Variants in EIF4B observed in about 807,000 individuals in gnomAD.
EIF4B encodes the protein eukaryotic translation initiation factor 4B.
A neutral mutation model predicts 79.3 loss-of-function variants in EIF4B; 8 were observed. That is an observed-to-expected ratio of 0.10 (90% CI 0.06 to 0.18). The LOEUF is 0.18. EIF4B is among the 10% of genes least tolerant of loss of function. The probability of loss-of-function intolerance (pLI) is 1.00; values close to 1 mark genes in which losing one functional copy is unlikely to be tolerated. For missense variants in EIF4B, 515 were observed against 792.4 expected, an observed-to-expected ratio of 0.65 and a Z score of 4.20; for synonymous variants, 238 against 274.7, an observed-to-expected ratio of 0.87 and a Z score of 1.32.
chr12:53,024,113 A>G (rs1286841471), intron 6 of EIF4B, among the ~76,000 whole-genome samples: 1 of 152,194 alleles, frequency 6.6e-6, no homozygotes, highest in Non-Finnish European at 1.5e-5. Flanking sequence ...GGGTGCGGAA[A>G]GATAGGTGAG....
chr12:53,017,398 A>G (rs998381485), intron 2 of EIF4B, among the ~76,000 whole-genome samples: 4 of 152,310 alleles, frequency 2.6e-5, no homozygotes, highest in East Asian at 3.9e-4. Context: ...GAGTGAGAAC[A>G]GTAATTATGG....
chr12:53,037,159 G>A (rs141644288), intron 10 of EIF4B, among the ~76,000 whole-genome samples: 2 of 152,274 alleles, frequency 1.3e-5, no homozygotes, highest in East Asian at 1.9e-4. Context: ...GGCTGTAAAG[G>A]ATACTCATTC....
At chr12:53,025,266 C>T (rs532425862) in intron 6 of EIF4B, 5 of 455,428 alleles carry the variant, frequency 1.1e-5, no homozygotes, top group South Asian at 7.8e-5. Context: ...ACAATCAGAC[C>T]AAGGGTCCTG....
In EIF4B at chr12:53,023,420, A is replaced by G. The variant is rs567864207; in HGVS notation, c.667+793A>G. 6.6e-5 allele frequency among the ~76,000 whole-genome samples: 10 copies of G among 151,484 alleles called. No individual in the cohort carries two copies. In the South Asian group the frequency reaches 1.3e-3, roughly 19 times the overall value. ...GCTAATTTTTGTATTTTTAGTAGAG[A>G]TGGGGTTTCACCATGTTGGCCAGGA... On this transcript the variant is annotated intron_variant, in intron 6 of 14. Transcript: ENST00000262056.
intron 11 of EIF4B, 127 bp downstream of exon 11, chr12:53,037,749 C>CT (rs1943564031): frequency 6.7e-6 from 7 of 1,043,408 alleles, no homozygotes; most frequent in Non-Finnish European, 9.7e-6. Flanking sequence ...GCTTTAGTCT[C>CT]TTAGTGTGCT....
At chr12:53,029,240 A>G (rs1943392564) in intron 8 of EIF4B, among the ~76,000 whole-genome samples, 1 of 152,224 alleles carries the variant, frequency 6.6e-6, no homozygotes, top group South Asian at 2.1e-4. Context: ...TATAAGATAT[A>G]AAATGTAAAC....
intron 10 of EIF4B, among the ~76,000 whole-genome samples, chr12:53,036,143 G>A (rs578040771): frequency 4.0e-4 from 58 of 145,210 alleles, no homozygotes; most frequent in Non-Finnish European, 9.1e-5. Flanking sequence ...ACGGAGTTTC[G>A]CTCTTTTTGC....
Position 53,033,997 on chromosome 12 carries a change from C to G in EIF4B, c.1171C>G (p.Leu391Val). 1 of 1,613,438 alleles carries G rather than the reference C, an allele frequency of 6.2e-7. No individual in the cohort carries two copies. Among genetic ancestry groups the G allele is most frequent in the African/African-American group, 1.3e-5 (1 of 75,076 alleles). The change falls in exon 9 of 15, where the codon CTG becomes GTG. Residue 391 changes from leucine to valine, a missense_variant. Leu to Val is a conservative substitution (Grantham distance 32, BLOSUM62 1). Coordinates refer to ENST00000262056, the MANE Select transcript of EIF4B (RefSeq NM_001417.7). ...QKEQEKLQRQ[L>V]DEPKLERRPR... is the part of the protein sequence containing the mutation. ...GGAACAAGAGAAGTTGCAGCGTCAG[C>G]TGGATGAGCCAAAACTAGAACGACG...
At chr12:53,026,166 G>A (rs1943330865) in intron 6 of EIF4B, among the ~76,000 whole-genome samples, 2 of 151,878 alleles carry the variant, frequency 1.3e-5, no homozygotes, top group Non-Finnish European at 2.9e-5. Flanking sequence ...CTCTTAAAAC[G>A]TGTAGGTTGT....
At chr12:53,039,207 CTTTAA>C in intron 12 of EIF4B, 26 bp from the exon 13 acceptor site, 1 of 1,490,040 alleles carries the variant, frequency 6.7e-7, no homozygotes, top group Non-Finnish European at 9.2e-7. Flanking sequence ...TTTTACTTGC[CTTTAA>C]TTTGTTTACA....
intron 2 of EIF4B, 89 bp from the exon 3 acceptor site, chr12:53,018,709 A>G (rs76982541): frequency 1.4e-6 from 2 of 1,477,956 alleles, no homozygotes; most frequent in Admixed American, 1.8e-5. Flanking sequence ...AGCATGTTTA[A>G]TATTTGGCAA....
At position 53,037,671 on chromosome 12, in the gene EIF4B, C is replaced by T. The variant is rs757751890; in HGVS notation, c.1520+49C>T. The T allele has an allele frequency of 3.8e-6, 6 of 1,588,204 alleles. No individual in the cohort carries two copies. The African/African-American group carries it at 8.1e-5, about 21-fold the overall frequency. ...TTGGTTAACTGCAGATTCTAAAATACTGTGATGTAATGATGGAAGATCTCC... is the reference window on the plus strand; with the variant it reads ...TTGGTTAACTGCAGATTCTAAAATATTGTGATGTAATGATGGAAGATCTCC... On this transcript the variant is annotated intron_variant, in intron 11 of 14. Transcript: ENST00000262056.
intron 1 of EIF4B, among the ~76,000 whole-genome samples, chr12:53,011,358 A>G (rs1179255573): frequency 6.6e-6 from 1 of 152,214 alleles, no homozygotes; most frequent in African/African-American, 2.4e-5. Flanking sequence ...AAAGTCCTTT[A>G]TATAGGACTA....
chr12:53,027,825 T>C lies in EIF4B; in HGVS notation c.711T>C (p.Tyr237=), dbSNP rs530549471. Residue 237 remains tyrosine, a synonymous_variant, in exon 7 of 15, where the codon TAT becomes TAC. Transcript: ENST00000262056. ...RYDSDRYRDG[Y]RDGYRDGPRR... is the part of the protein sequence containing the mutation. ...ATTCAGACCGGTATCGGGATGGGTATCGGGATGGGTATCGGGATGGCCCAC... is the reference window on the plus strand; with the variant it reads ...ATTCAGACCGGTATCGGGATGGGTACCGGGATGGGTATCGGGATGGCCCAC... 2 of 1,612,304 alleles carry C rather than the reference T, an allele frequency of 1.2e-6. No homozygotes were observed. Among genetic ancestry groups the C allele is most frequent in the Non-Finnish European group, 1.7e-6 (2 of 1,179,308 alleles).
intron 10 of EIF4B, among the ~76,000 whole-genome samples, chr12:53,035,041 T>C (rs1943516326): frequency 6.6e-6 from 1 of 150,874 alleles, no homozygotes. Flanking sequence ...AGTCAACGGC[T>C]TGGAGTTTCA....
intron 5 of EIF4B, 89 bp downstream of exon 5, chr12:53,021,949 G>C (rs1943252493): frequency 6.7e-7 from 1 of 1,491,294 alleles, no homozygotes; most frequent in South Asian, 1.2e-5. Flanking sequence ...TAGGGGTAGT[G>C]GTGGGCCTGC....
At chr12:53,013,597 G>C (rs1209621149) in intron 1 of EIF4B, 1 of 152,030 alleles carries the variant, frequency 6.6e-6, no homozygotes, top group Non-Finnish European at 1.5e-5. Flanking sequence ...GACCAGCCTG[G>C]CCAACATGGT....
chr12:53,022,356 T>C (rs925251967), intron 5 of EIF4B, 137 bp from the exon 6 acceptor site: 78 of 1,259,566 alleles, frequency 6.2e-5, no homozygotes, highest in Non-Finnish European at 8.0e-5. Flanking sequence ...CATGTACTTA[T>C]GGGGCCTGAG....
Position 53,039,655 on chromosome 12 carries a change from T to A in EIF4B, c.1708T>A (p.Ser570Thr), listed in dbSNP as rs1313654123. 2.5e-6 allele frequency: 4 copies of A among 1,613,636 alleles called. No individual in the cohort carries two copies. The highest frequency in any genetic ancestry group is 3.4e-6 in the Non-Finnish European group (4 of 1,179,816). The change falls in exon 14 of 15, where the codon TCC becomes ACC. Residue 570 changes from serine (S) to threonine (T), a missense_variant. This residue lies in a region of EIF4B where 60 missense variants were observed against 56.7 expected (regional missense o/e 1.06). Coordinates refer to ENST00000262056, the MANE Select transcript of EIF4B (RefSeq NM_001417.7). The stretch of plus-strand genomic sequence containing the variant: ...GAAAGATGGCAAAAAGGATCAAGAC[T>A]CCAGATCTGCACCTGAGCCAAAGAA... Reference protein sequence around the residue: ...DRKDGKKDQDSRSAPEPKKPE... With the variant: ...DRKDGKKDQDTRSAPEPKKPE...
Sources: allele counts gnomAD v4.1 joint callset (sites outside exome capture counted in the v4.1 genomes callset), GRCh38; gene constraint gnomAD v4.1.1; regional missense constraint gnomAD v4.1.1; transcripts MANE v1.5; gene names NCBI Gene and HGNC (gene_info 2026-07-23, HGNC 2026-07-21).